Variants in EIF3E observed in about 807,000 individuals in gnomAD.
EIF3E encodes the protein eukaryotic translation initiation factor 3 subunit E.
EIF3E carries 25 observed loss-of-function variants against 59.3 expected under a neutral mutation model. The ratio of observed to expected loss-of-function variants is 0.42; its 90% CI spans 0.31 to 0.59. The LOEUF (loss-of-function observed/expected upper bound fraction) is 0.59. Ranked by LOEUF, EIF3E falls within the 20% of genes least tolerant of loss-of-function variation. The probability of loss-of-function intolerance (pLI) is 0.15; values close to 1 mark genes in which losing one functional copy is unlikely to be tolerated. For missense variants in EIF3E, 317 were observed against 534.3 expected (o/e 0.59, Z 4.01); for synonymous variants, 176 against 170.2 (o/e 1.03, Z -0.26).
chr8:108,214,904 G>C lies in EIF3E; in HGVS notation c.952-188C>G, dbSNP rs527627166. Among the ~76,000 whole-genome samples, 143 of 152,260 alleles carry C rather than the reference G, an allele frequency of 9.4e-4. 1 individual carries two copies. Among genetic ancestry groups the C allele is most frequent in the Non-Finnish European group, 1.2e-3 (85 of 68,010 alleles). On this transcript the variant is annotated intron_variant, in intron 9 of 12. Transcript: ENST00000220849. Reference sequence around the variant, plus strand: ...TAGTAAACGAATACCACAAGATAAAGACCTAAAAACTGCAATGTTTCTGAT... The same window carrying C: ...TAGTAAACGAATACCACAAGATAAACACCTAAAAACTGCAATGTTTCTGAT...
intron 1 of EIF3E, among the ~76,000 whole-genome samples, 162 bp downstream of exon 1, chr8:108,248,451 T>C (rs954806142): frequency 6.6e-6 from 1 of 152,120 alleles, no homozygotes; most frequent in Non-Finnish European, 1.5e-5. Context: ...GCTTCTTAAC[T>C]GAGACGACGC....
intron 9 of EIF3E, among the ~76,000 whole-genome samples, chr8:108,215,010 C>G (rs1815275297): frequency 6.6e-6 from 1 of 152,184 alleles, no homozygotes. Flanking sequence ...ATAATGTTAT[C>G]TCTTCCAACT....
chr8:108,221,105 G>C (rs535522108), intron 7 of EIF3E, among the ~76,000 whole-genome samples: 1 of 151,934 alleles, frequency 6.6e-6, no homozygotes, highest in East Asian at 1.9e-4. Flanking sequence ...AAAAGAAAAG[G>C]GAAAGGAAAA....
chr8:108,238,045 T>C (rs765093874), intron 3 of EIF3E, among the ~76,000 whole-genome samples: 1 of 152,176 alleles, frequency 6.6e-6, no homozygotes, highest in Non-Finnish European at 1.5e-5. Flanking sequence ...TGTACATTCA[T>C]CTTATTCATG....
chr8:108,214,976 T>G (rs1815274723), intron 9 of EIF3E, among the ~76,000 whole-genome samples: 1 of 152,240 alleles, frequency 6.6e-6, no homozygotes, highest in South Asian at 2.1e-4. Flanking sequence ...GTACTATCCA[T>G]TATTCTACAT....
chr8:108,201,250 C>CATATGTATATATATATATATAT lies in EIF3E; in HGVS notation c.*634_*635insATATATATATATATATACATAT, dbSNP rs1814988887. 8.1e-6 allele frequency: 1 copy of CATATGTATATATATATATATAT among 122,892 alleles called. No individual in the cohort carries two copies. Among genetic ancestry groups the CATATGTATATATATATATATAT allele is most frequent in the Non-Finnish European group, 1.7e-5 (1 of 60,064 alleles). The allele number at this position is 122,892 out of a possible 1,614,324, so 7.6% of individuals were successfully genotyped here. On this transcript the variant is annotated 3_prime_UTR_variant, in exon 13 of 13. Transcript: ENST00000220849. ...AATAAAAAAGGAATTAACTACTGATCATATATATATATATATCTATCTCTC... is the reference window on the plus strand; with the variant it reads ...AATAAAAAAGGAATTAACTACTGATCATATGTATATATATATATATATATATATATATATATATCTATCTCTC...
chr8:108,244,154 T>C (rs534480158), intron 1 of EIF3E, among the ~76,000 whole-genome samples: 9 of 152,166 alleles, frequency 5.9e-5, no homozygotes, highest in African/African-American at 1.4e-4. Context: ...ATAATAACAG[T>C]AAAAGTTTTT....
chr8:108,204,602 T>C (rs1188629711), intron 10 of EIF3E, among the ~76,000 whole-genome samples: 4 of 151,832 alleles, frequency 2.6e-5, no homozygotes, highest in Admixed American at 2.0e-4. Context: ...AAAGTAAGCC[T>C]ACTATAAAGA....
chr8:108,234,960 CAAAAAA>C (rs3075616), intron 5 of EIF3E, 32 bp downstream of exon 5: 1,013 of 871,876 alleles, frequency 1.2e-3, no homozygotes, highest in South Asian at 2.7e-3. Flanking sequence ...CTACAAAAGA[CAAAAAA>C]AAAAAAAAAA....
chr8:108,245,041 T>G (rs1815920651), intron 1 of EIF3E, among the ~76,000 whole-genome samples: 1 of 152,054 alleles, frequency 6.6e-6, no homozygotes, highest in Non-Finnish European at 1.5e-5. Context: ...CCTCCACACT[T>G]AACCAATCCT....
At chr8:108,206,913 T>C (rs1815113069) in intron 10 of EIF3E, among the ~76,000 whole-genome samples, 1 of 152,174 alleles carries the variant, frequency 6.6e-6, no homozygotes, top group Non-Finnish European at 1.5e-5. Flanking sequence ...CTGGTGTAAT[T>C]TTGCAACAAG....
intron 10 of EIF3E, among the ~76,000 whole-genome samples, chr8:108,204,348 A>G (rs1293595996): frequency 6.6e-6 from 1 of 152,098 alleles, no homozygotes; most frequent in East Asian, 1.9e-4. Flanking sequence ...GTATATATAA[A>G]CCATGGAATA....
At chr8:108,238,975 C>A (rs1201950462) in intron 3 of EIF3E, among the ~76,000 whole-genome samples, 1 of 152,080 alleles carries the variant, frequency 6.6e-6, no homozygotes, top group Non-Finnish European at 1.5e-5. Flanking sequence ...AATATGTTTT[C>A]TTTGGAAACG....
intron 7 of EIF3E, chr8:108,227,414 A>G (rs970197415): frequency 2.0e-5 from 3 of 152,240 alleles, no homozygotes; most frequent in Non-Finnish European, 2.9e-5. Context: ...TTGCTACTGC[A>G]ATCTTAGGCT....
chr8:108,244,827 T>C (rs1040877202), intron 1 of EIF3E, among the ~76,000 whole-genome samples: 3 of 152,026 alleles, frequency 2.0e-5, no homozygotes, highest in Non-Finnish European at 2.9e-5. Flanking sequence ...ACCTATTCTC[T>C]AGGTTCTGGC....
At chr8:108,239,599 T>C (rs1227046977) in intron 3 of EIF3E, among the ~76,000 whole-genome samples, 2 of 152,096 alleles carry the variant, frequency 1.3e-5, no homozygotes, top group African/African-American at 2.4e-5. Flanking sequence ...TTTAACAGCA[T>C]AACTGGCCTC....
At chr8:108,224,750 T>C (rs1231630805) in intron 7 of EIF3E, among the ~76,000 whole-genome samples, 1 of 151,542 alleles carries the variant, frequency 6.6e-6, no homozygotes, top group Admixed American at 6.5e-5. Flanking sequence ...TAAAACTGAC[T>C]TGTGATGGTT....
In EIF3E at chr8:108,238,672, G is replaced by C. The variant is rs1258921469; in HGVS notation, c.323+1286C>G. Among the ~76,000 whole-genome samples, 10 of 152,092 alleles carry C rather than the reference G, an allele frequency of 6.6e-5. No individual in the cohort carries two copies. The East Asian group carries it at 1.9e-3, about 29-fold the overall frequency. On this transcript the variant is annotated intron_variant, in intron 3 of 12. Transcript: ENST00000220849. Reference sequence around the variant, plus strand: ...GGTATGGTATAGTATAGTATAGTACGCTATAGTATGGCACAGTAATTGTAT... The same window carrying C: ...GGTATGGTATAGTATAGTATAGTACCCTATAGTATGGCACAGTAATTGTAT...
At chr8:108,209,189 T>C (rs951937449) in intron 10 of EIF3E, among the ~76,000 whole-genome samples, 13 of 152,120 alleles carry the variant, frequency 8.5e-5, no homozygotes, top group Non-Finnish European at 1.2e-4. Flanking sequence ...AGCTGAGATA[T>C]ATCCTTTCCC....
Sources: allele counts gnomAD v4.1 joint callset (sites outside exome capture counted in the v4.1 genomes callset), GRCh38; gene constraint gnomAD v4.1.1; transcripts MANE v1.5; gene names NCBI Gene and HGNC (gene_info 2026-07-23, HGNC 2026-07-21).